SAMD4A: variants seen among roughly 807,000 people sequenced by gnomAD.
SAMD4A encodes protein Smaug homolog 1.
In SAMD4A, 33 loss-of-function variants were observed where a neutral mutation model predicts 81.3. The ratio of observed to expected loss-of-function variants is 0.41; its 90% confidence interval spans 0.31 to 0.54. SAMD4A has a LOEUF of 0.54. Among genes scored for constraint, SAMD4A ranks in the 20% least tolerant of loss-of-function variants. SAMD4A has a pLI of 0.37. For missense variants in SAMD4A, 854 were observed against 951.1 expected (o/e 0.90, Z 1.34); for synonymous variants, 389 against 382.1 (o/e 1.02, Z -0.21).
intron 2 of SAMD4A, among the ~76,000 whole-genome samples, chr14:54,690,712 C>T (rs10483637): frequency 0.83 from 126,288 of 152,188 alleles, 53,472 homozygotes; most frequent in Non-Finnish European, 0.92. Context: ...GAACCAAAGA[C>T]AGATATCTGA....
chr14:54,752,268 C>G (rs1174021759), intron 6 of SAMD4A, among the ~76,000 whole-genome samples: 5 of 152,202 alleles, frequency 3.3e-5, no homozygotes, highest in Non-Finnish European at 7.3e-5. Flanking sequence ...ATTTTTAGGA[C>G]TTAATGATGA....
intron 2 of SAMD4A, among the ~76,000 whole-genome samples, chr14:54,585,833 C>T (rs1025527340): frequency 6.6e-6 from 1 of 152,136 alleles, no homozygotes; most frequent in Non-Finnish European, 1.5e-5. Context: ...TTTATTCACT[C>T]ATTGATAGAT....
At chr14:54,646,648 A>G (rs1019302528) in intron 2 of SAMD4A, among the ~76,000 whole-genome samples, 2 of 152,264 alleles carry the variant, frequency 1.3e-5, no homozygotes, top group Non-Finnish European at 2.9e-5. Context: ...TACTGGAGGT[A>G]GGGAGAAAGA....
intron 2 of SAMD4A, among the ~76,000 whole-genome samples, chr14:54,669,223 A>G (rs1219942034): frequency 6.6e-6 from 1 of 152,078 alleles, no homozygotes; most frequent in Non-Finnish European, 1.5e-5. Context: ...CAGCTAAGGT[A>G]CTGTTCAGTG....
chr14:54,624,776 AT>A (rs1038163653), intron 2 of SAMD4A, among the ~76,000 whole-genome samples: 95 of 145,204 alleles, frequency 6.5e-4, no homozygotes, highest in African/African-American at 1.2e-3. Flanking sequence ...GGGAGAAGAG[AT>A]TTTTTTTTTT....
chr14:54,671,256 ACT>A (rs2035874823), intron 2 of SAMD4A, among the ~76,000 whole-genome samples: 1 of 152,196 alleles, frequency 6.6e-6, no homozygotes, highest in African/African-American at 2.4e-5. Flanking sequence ...CAGCAGCATC[ACT>A]GTTAGGGACA....
intron 2 of SAMD4A, among the ~76,000 whole-genome samples, chr14:54,661,265 T>C (rs529570427): frequency 2.0e-5 from 3 of 152,360 alleles, no homozygotes; most frequent in East Asian, 1.9e-4. Context: ...CCTTGACTTA[T>C]TAGATTAACA....
chr14:54,697,259 G>T (rs2140709359), intron 2 of SAMD4A, among the ~76,000 whole-genome samples: 3 of 152,272 alleles, frequency 2.0e-5, no homozygotes. Flanking sequence ...AAGCAGGGAG[G>T]TAGACACTGC....
intron 3 of SAMD4A, among the ~76,000 whole-genome samples, chr14:54,704,659 TG>T (rs1209227176): frequency 2.6e-5 from 4 of 152,172 alleles, no homozygotes; most frequent in Admixed American, 6.5e-5. Flanking sequence ...CTTAACCAGA[TG>T]ACTAGCTGAC....
chr14:54,629,252 G>A (rs941334050), intron 2 of SAMD4A, among the ~76,000 whole-genome samples: 2 of 152,166 alleles, frequency 1.3e-5, no homozygotes, highest in South Asian at 2.1e-4. Context: ...AAGAGGCAAC[G>A]ACAGATTCTA....
At chr14:54,582,854 A>T (rs936911141) in intron 2 of SAMD4A, among the ~76,000 whole-genome samples, 1 of 152,364 alleles carries the variant, frequency 6.6e-6, no homozygotes, top group South Asian at 2.1e-4. Context: ...GTTTATATAT[A>T]AGGTGACAAA....
chr14:54,786,213 T>C (rs2039136511), intron 12 of SAMD4A, among the ~76,000 whole-genome samples: 1 of 152,224 alleles, frequency 6.6e-6, no homozygotes, highest in African/African-American at 2.4e-5. Context: ...ATCTTAACAT[T>C]ATGCTGAGTG....
At chr14:54,655,301 T>G (rs980971340) in intron 2 of SAMD4A, among the ~76,000 whole-genome samples, 1 of 152,238 alleles carries the variant, frequency 6.6e-6, no homozygotes, top group African/African-American at 2.4e-5. Flanking sequence ...GCACACACTT[T>G]CCTTGAGGAA....
rs1422499763 is a variant in SAMD4A, at chr14:54,792,244, C to T, written c.*3300C>T. The T allele has an allele frequency of 6.6e-6, 1 of 152,180 alleles. No homozygotes were observed. The highest frequency in any genetic ancestry group is 1.5e-5 in the Non-Finnish European group (1 of 68,042). 9.4% of individuals were successfully genotyped at this position (152,180 alleles called of 1,614,324 possible). On this transcript the variant is annotated 3_prime_UTR_variant, in exon 13 of 13. Transcript: ENST00000554335. ...CTGCCTGTCCGGGCGGCTCTTTGCA[C>T]CGAGCTCTCAAATCCTGTGTATTGA...
chr14:54,773,590 C>T (rs1052522552), intron 9 of SAMD4A, among the ~76,000 whole-genome samples: 2 of 152,246 alleles, frequency 1.3e-5, no homozygotes, highest in African/African-American at 2.4e-5. Flanking sequence ...ACGGCAGCGC[C>T]GGCATCTGCA....
chr14:54,578,550 A>C (rs2033373598), intron 2 of SAMD4A, among the ~76,000 whole-genome samples: 1 of 151,964 alleles, frequency 6.6e-6, no homozygotes, highest in African/African-American at 2.4e-5. Context: ...ATCTCTAACA[A>C]AAATACAAAA....
At position 54,572,075 on chromosome 14, in the gene SAMD4A, C is replaced by T. The variant is rs375278932; in HGVS notation, c.196+3963C>T. ...TATTCATTCCACAAACATTTTCTGA[C>T]TGCCTGCTATTTTCCTGACCCAGTG... On this transcript the variant is annotated intron_variant, in intron 2 of 12. Transcript: ENST00000554335. 1.2e-3 allele frequency among the ~76,000 whole-genome samples: 178 copies of T among 152,308 alleles called. 1 individual carries two copies. Among genetic ancestry groups the T allele is most frequent in the African/African-American group, 4.2e-3 (174 of 41,546 alleles).
intron 2 of SAMD4A, among the ~76,000 whole-genome samples, chr14:54,630,991 C>G (rs2034889883): frequency 6.7e-6 from 1 of 148,424 alleles, no homozygotes; most frequent in South Asian, 2.1e-4. Context: ...TGAAGGCTGA[C>G]AAGAGCTGCA....
At chr14:54,758,086 G>C (rs2038293373) in intron 6 of SAMD4A, among the ~76,000 whole-genome samples, 1 of 149,692 alleles carries the variant, frequency 6.7e-6, no homozygotes, top group Non-Finnish European at 1.5e-5. Context: ...GAAGGTGGCA[G>C]ACGCGAAACT....
Sources: gnomAD v4.1 joint callset for allele counts (sites outside exome capture counted in the v4.1 genomes callset) on GRCh38, gnomAD v4.1.1 for gene constraint, MANE v1.5 for transcripts, NCBI Gene and HGNC (gene_info 2026-07-23, HGNC 2026-07-21) for gene names.